COBL: variants seen among roughly 807,000 people sequenced by gnomAD.
COBL encodes the protein cordon-bleu WH2 repeat protein, also known as protein cordon-bleu.
In COBL, 51 loss-of-function variants were observed where a neutral mutation model predicts 98.8. The ratio of observed to expected loss-of-function variants is 0.52; its 90% CI spans 0.41 to 0.65. The LOEUF (loss-of-function observed/expected upper bound fraction) is 0.65, where lower values mean the gene tolerates loss of function less well. Ranked by LOEUF, COBL falls within the 30% of genes least tolerant of loss-of-function variation. The pLI, the probability that COBL is intolerant of heterozygous loss-of-function variation, is 0.00. For missense variants in COBL, 1,617 were observed against 1,617.5 expected, an observed-to-expected ratio of 1.00 and a Z score of 0.01; for synonymous variants, 634 against 651.7, an observed-to-expected ratio of 0.97 and a Z score of 0.41.
intron 5 of COBL, among the ~76,000 whole-genome samples, chr7:51,169,320 T>A (rs990425417): frequency 6.6e-6 from 1 of 152,280 alleles, no homozygotes; most frequent in African/African-American, 2.4e-5. Context: ...TTACGTGTAC[T>A]GATTGATGTA....
At position 51,159,248 on chromosome 7, in the gene COBL, C is replaced by G. The variant is rs185107545; in HGVS notation, c.784-22917G>C. ...GACCACAGGTGCTGGGAAGTGGAGC[C>G]GCCAGGAGGCCTGGGCCAGGTGACA... On this transcript the variant is annotated intron_variant, in intron 5 of 12. Coordinates refer to ENST00000265136, the MANE Select transcript of COBL (RefSeq NM_015198.5). Among the ~76,000 whole-genome samples, 1,114 of 152,142 alleles carry G rather than the reference C, an allele frequency of 7.3e-3. 12 individuals are homozygous for G. The highest frequency in any genetic ancestry group is 0.026 in the African/African-American group (1,081 of 41,546).
chr7:51,258,751 G>C (rs191828736), intron 1 of COBL, among the ~76,000 whole-genome samples: 6 of 152,256 alleles, frequency 3.9e-5, no homozygotes, highest in African/African-American at 1.4e-4. Context: ...GATTTCTTCA[G>C]CAAAATAAAT....
chr7:51,215,966 C>T (rs1179862799), intron 2 of COBL, among the ~76,000 whole-genome samples: 2 of 152,236 alleles, frequency 1.3e-5, no homozygotes, highest in Admixed American at 6.5e-5. Context: ...CAGGTCTAAG[C>T]TTGTCTGTTG....
intron 5 of COBL, among the ~76,000 whole-genome samples, chr7:51,139,167 G>C (rs778424798): frequency 1.1e-4 from 16 of 152,110 alleles, no homozygotes; most frequent in Middle Eastern, 3.2e-3. Context: ...CATAAAGTAG[G>C]TACATCCCCA....
chr7:51,245,193 G>C (rs923161220), intron 1 of COBL, among the ~76,000 whole-genome samples: 6 of 152,014 alleles, frequency 3.9e-5, no homozygotes, highest in African/African-American at 1.2e-4. Flanking sequence ...CCCTTCTCCT[G>C]CAAGTCCACA....
intron 2 of COBL, among the ~76,000 whole-genome samples, chr7:51,212,629 T>TC (rs1293839305): frequency 6.6e-6 from 1 of 152,144 alleles, no homozygotes; most frequent in Non-Finnish European, 1.5e-5. Flanking sequence ...ATTCCTACAG[T>TC]CCCCCTGTTC....
chr7:51,216,558 C>T (rs1172455513), intron 2 of COBL, among the ~76,000 whole-genome samples: 1 of 152,132 alleles, frequency 6.6e-6, no homozygotes, highest in East Asian at 1.9e-4. Context: ...TAATACCATC[C>T]TTAAGGTAGG....
Position 51,108,036 on chromosome 7 carries a change from T to C in COBL, c.958-22732A>G, listed in dbSNP as rs865816818. ...TATGTCTTCAGAGGAAAAGAGAATA[T>C]TCCACTGCCTACATGTTTCCATCCT... On this transcript the variant is annotated intron_variant, in intron 6 of 12. Transcript: ENST00000265136. Among the ~76,000 whole-genome samples, 2 of 152,152 alleles carry C rather than the reference T, an allele frequency of 1.3e-5. 1 individual carries two copies. Among genetic ancestry groups the C allele is most frequent in the Middle Eastern group, 6.3e-3 (2 of 316 alleles).
chr7:51,116,681 C>A (rs1290726549), intron 6 of COBL, among the ~76,000 whole-genome samples: 2 of 151,992 alleles, frequency 1.3e-5, no homozygotes, highest in African/African-American at 4.8e-5. Context: ...TTCTAAGAGT[C>A]CAAGTTTCCA....
At chr7:51,230,713 T>G (rs1456869895) in intron 1 of COBL, among the ~76,000 whole-genome samples, 1 of 152,262 alleles carries the variant, frequency 6.6e-6, no homozygotes, top group Non-Finnish European at 1.5e-5. Flanking sequence ...GTGGTCCCTC[T>G]GCCCACTGGG....
intron 1 of COBL, among the ~76,000 whole-genome samples, chr7:51,241,032 C>T (rs939857173): frequency 2.6e-5 from 4 of 152,180 alleles, no homozygotes; most frequent in Admixed American, 6.5e-5. Context: ...GCTTTAAAGG[C>T]AGAGCTGTAT....
At chr7:51,195,173 A>G (rs1280989439) in intron 2 of COBL, among the ~76,000 whole-genome samples, 1 of 152,196 alleles carries the variant, frequency 6.6e-6, no homozygotes. Flanking sequence ...TCTTTAATCC[A>G]TCTTGAGTTA....
rs375865344 is a variant in COBL at position 51,300,956 on chromosome 7, C to A, written c.41+15637G>T. The stretch of plus-strand genomic sequence containing the variant: ...AGGAGTGTGCACTGGGCTGTGTGAC[C>A]GCGGGGTCCAGATGTGGGGTTAACC... On this transcript the variant is annotated intron_variant, in intron 1 of 12. Transcript: ENST00000265136. Among the ~76,000 whole-genome samples, 172 of 152,246 alleles carry A rather than the reference C, an allele frequency of 1.1e-3. 4 individuals are homozygous for A. In the South Asian group the frequency reaches 0.029, roughly 26 times the overall value.
intron 8 of COBL, among the ~76,000 whole-genome samples, chr7:51,040,936 G>A (rs1789123509): frequency 2.0e-5 from 3 of 152,206 alleles, no homozygotes; most frequent in African/African-American, 2.4e-5. Flanking sequence ...AGCATCCCGC[G>A]GGGTGCAGAG....
At chr7:51,085,431 G>A (rs775803458) in intron 6 of COBL, 127 bp from the exon 7 acceptor site, 4 of 1,044,582 alleles carry the variant, frequency 3.8e-6, no homozygotes, top group Non-Finnish European at 5.5e-6. Context: ...CAGGAGGGTT[G>A]TTAGATGGCC....
chr7:51,087,080 G>T (rs1348842727), intron 6 of COBL, among the ~76,000 whole-genome samples: 3 of 150,634 alleles, frequency 2.0e-5, no homozygotes, highest in African/African-American at 7.3e-5. Context: ...TACTCCAGAA[G>T]ATGAGGATTT....
intron 5 of COBL, among the ~76,000 whole-genome samples, chr7:51,141,034 T>C (rs1475820402): frequency 6.6e-6 from 1 of 152,064 alleles, no homozygotes; most frequent in African/African-American, 2.4e-5. Flanking sequence ...AAAAGGGGCT[T>C]GGTGTACTTC....
intron 1 of COBL, among the ~76,000 whole-genome samples, chr7:51,271,531 G>A (rs989121733): frequency 1.3e-5 from 2 of 152,162 alleles, no homozygotes; most frequent in South Asian, 2.1e-4. Context: ...CAGAGAAAGC[G>A]TAGCATGAGT....
intron 12 of COBL, among the ~76,000 whole-genome samples, chr7:51,020,384 T>A (rs931950677): frequency 6.6e-6 from 1 of 152,142 alleles, no homozygotes; most frequent in Non-Finnish European, 1.5e-5. Context: ...GCCCCCTTCC[T>A]CTGGCTGAGA....
Sources: gnomAD v4.1 joint callset for allele counts (sites outside exome capture counted in the v4.1 genomes callset) on GRCh38, gnomAD v4.1.1 for gene constraint, MANE v1.5 for transcripts, NCBI Gene and HGNC (gene_info 2026-07-23, HGNC 2026-07-21) for gene names.